Variants in ELAPOR2 observed in about 807,000 individuals in gnomAD.
ELAPOR2 encodes endosome-lysosome associated apoptosis and autophagy regulator family member 2.
A neutral mutation model predicts 120.7 loss-of-function variants in ELAPOR2; 89 were observed. That is an observed-to-expected ratio of 0.74 (90% CI 0.62 to 0.88). ELAPOR2 has a LOEUF of 0.88. Ranked by LOEUF, ELAPOR2 falls within the 40% of genes least tolerant of loss-of-function variation. The pLI is 0.00. For synonymous variants in ELAPOR2, 444 were observed against 444.9 expected (o/e 1.00, Z 0.03); for missense variants, 1,134 against 1,251.6 (o/e 0.91, Z 1.42).
intron 1 of ELAPOR2, among the ~76,000 whole-genome samples, chr7:86,991,405 A>C (rs6955450): frequency 0.38 from 57,319 of 151,700 alleles, 11,627 homozygotes; most frequent in African/African-American, 0.53. Context: ...TCTAGTATAC[A>C]ACATTGTTCT....
chr7:86,897,395 ATTAAG>A, intron 19 of ELAPOR2, 106 bp downstream of exon 19: 1 of 1,319,100 alleles, frequency 7.6e-7, no homozygotes, highest in South Asian at 1.5e-5. Context: ...CCAATGTAAC[ATTAAG>A]TTAAATACAA....
At chr7:86,936,027 A>G (rs181509676) in intron 8 of ELAPOR2, among the ~76,000 whole-genome samples, 6 of 152,152 alleles carry the variant, frequency 3.9e-5, no homozygotes, top group East Asian at 1.9e-4. Context: ...TTTGGAATCT[A>G]TATGCCTCAA....
At chr7:87,020,141 G>A (rs1489778216) in intron 1 of ELAPOR2, among the ~76,000 whole-genome samples, 1 of 152,010 alleles carries the variant, frequency 6.6e-6, no homozygotes, top group African/African-American at 2.4e-5. Context: ...ACACAGCTAT[G>A]GGTTTTAATA....
At chr7:86,948,551 C>T (rs1245108526) in intron 2 of ELAPOR2, among the ~76,000 whole-genome samples, 3 of 152,082 alleles carry the variant, frequency 2.0e-5, no homozygotes, top group Non-Finnish European at 4.4e-5. Flanking sequence ...AACAGGAAAG[C>T]AGTGCAATAG....
chr7:87,033,098 A>G (rs184414030), intron 1 of ELAPOR2, among the ~76,000 whole-genome samples: 1 of 152,218 alleles, frequency 6.6e-6, no homozygotes, highest in African/African-American at 2.4e-5. Flanking sequence ...AGCTGTAAGC[A>G]TAATAGATCA....
At chr7:86,980,591 G>T (rs560220138) in intron 1 of ELAPOR2, among the ~76,000 whole-genome samples, 1 of 152,108 alleles carries the variant, frequency 6.6e-6, no homozygotes, top group South Asian at 2.1e-4. Flanking sequence ...GAATATAAAA[G>T]CTCTCTAGGC....
Position 86,912,235 on chromosome 7 carries a change from A to C in ELAPOR2, c.2006T>G (p.Val669Gly). The C allele has an allele frequency of 6.3e-7, 1 of 1,591,150 alleles. No homozygotes were observed. Among genetic ancestry groups the C allele is most frequent in the East Asian group, 2.3e-5 (1 of 44,330 alleles). ...GTAGAAAAAGCAGTCACTATAGCAA[A>C]CCGAATGGTCCTTTGATTAAAGATA... ...PGSKNNQDHS[V>G]CYSDCFFYHE... is the part of the protein sequence containing the mutation. Residue 669 changes from valine (V) to glycine (G), a missense_variant, in exon 15 of 22, where the codon GTT becomes GGT. Coordinates refer to ENST00000450689, the MANE Select transcript of ELAPOR2 (RefSeq NM_001142749.3).
At chr7:87,005,424 T>A (rs7780140) in intron 1 of ELAPOR2, among the ~76,000 whole-genome samples, 2 of 151,806 alleles carry the variant, frequency 1.3e-5, no homozygotes, top group African/African-American at 4.8e-5. Context: ...GATCCACACA[T>A]GACATATTTC....
intron 2 of ELAPOR2, 88 bp downstream of exon 2, chr7:86,964,816 C>G: frequency 1.4e-6 from 2 of 1,427,598 alleles, no homozygotes; most frequent in Non-Finnish European, 9.5e-7. Context: ...GTAAGGTCTC[C>G]TACATTCATT....
At chr7:87,055,604 T>C (rs775956272) in intron 1 of ELAPOR2, among the ~76,000 whole-genome samples, 1 of 152,116 alleles carries the variant, frequency 6.6e-6, no homozygotes, top group Non-Finnish European at 1.5e-5. Context: ...CTGACCCTTG[T>C]CTGCTTGGCA....
chr7:87,002,893 C>A (rs773620828), intron 1 of ELAPOR2, among the ~76,000 whole-genome samples: 1 of 152,134 alleles, frequency 6.6e-6, no homozygotes, highest in Non-Finnish European at 1.5e-5. Context: ...ATGAACCACA[C>A]TCCTTCAAAA....
Position 86,919,280 on chromosome 7 carries a change from C to T in ELAPOR2, c.1430G>A (p.Ser477Asn). ...ATCATTGTCAGAACCTCCAGCCCCA[C>T]TCTGGATATGATCTCCAGCCACCTC... ...GWEVAGDHIQ[S>N]GAGGSDNDYL... Residue 477 changes from serine to asparagine, a missense_variant, in exon 11 of 22, where the codon AGT (serine) becomes AAT (asparagine). Physicochemically the swap from Ser to Asn is conservative, Grantham distance 46. Around this residue, in one of 3 missense-constraint regions of ELAPOR2, gnomAD observed 831 missense variants for 867.6 expected, o/e 0.96. Coordinates refer to ENST00000450689, the MANE Select transcript of ELAPOR2 (RefSeq NM_001142749.3). 1 of 1,611,382 alleles carries T rather than the reference C, an allele frequency of 6.2e-7. No homozygotes were observed. Among genetic ancestry groups the T allele is most frequent in the Non-Finnish European group, 8.5e-7 (1 of 1,178,392 alleles).
chr7:87,003,111 T>A (rs764020003), intron 1 of ELAPOR2, among the ~76,000 whole-genome samples: 1 of 152,112 alleles, frequency 6.6e-6, no homozygotes, highest in Non-Finnish European at 1.5e-5. Flanking sequence ...AGCAAGCCCT[T>A]CTTTATGGGA....
rs1792182854 is a variant in ELAPOR2 at position 86,973,766 on chromosome 7, A to T, written c.190-8742T>A. 2.0e-5 allele frequency among the ~76,000 whole-genome samples: 3 copies of T among 152,172 alleles called. No homozygotes were observed. The South Asian group carries it at 6.2e-4, about 31-fold the overall frequency. On this transcript the variant is annotated intron_variant, in intron 1 of 21. Transcript: ENST00000450689. ...TGATAAAAAGAAGGTGGGGCATGAC[A>T]TCCAGGTGGCCACAGCTCCTTGGCC...
intron 1 of ELAPOR2, among the ~76,000 whole-genome samples, chr7:87,002,710 G>A (rs1423218695): frequency 6.6e-6 from 1 of 152,080 alleles, no homozygotes; most frequent in Non-Finnish European, 1.5e-5. Context: ...ACTACCTACT[G>A]TATCCTTAAC....
chr7:86,995,391 G>C (rs1793089466), intron 1 of ELAPOR2, among the ~76,000 whole-genome samples: 1 of 152,164 alleles, frequency 6.6e-6, no homozygotes, highest in Non-Finnish European at 1.5e-5. Context: ...GCTGGATTTA[G>C]TTTTCTGTAG....
At chr7:86,898,400 T>C (rs748444300) in intron 18 of ELAPOR2, among the ~76,000 whole-genome samples, 42 of 152,184 alleles carry the variant, frequency 2.8e-4, no homozygotes, top group Admixed American at 2.0e-4. Context: ...GTCTGAGGTG[T>C]TGAAAATCTT....
At chr7:86,997,299 C>T (rs77020301) in intron 1 of ELAPOR2, among the ~76,000 whole-genome samples, 7,954 of 143,988 alleles carry the variant, frequency 0.055, 372 homozygotes, top group African/African-American at 0.13. Flanking sequence ...AAAGCAGATG[C>T]CCATCACAAA....
intron 18 of ELAPOR2, among the ~76,000 whole-genome samples, chr7:86,903,940 G>A (rs546921940): frequency 2.4e-4 from 36 of 152,096 alleles, no homozygotes; most frequent in African/African-American, 8.4e-4. Context: ...TATCCTCTGG[G>A]GTAAGTGTGA....
Sources: allele counts gnomAD v4.1 joint callset (sites outside exome capture counted in the v4.1 genomes callset), GRCh38; gene constraint gnomAD v4.1.1; regional missense constraint gnomAD v4.1.1; transcripts MANE v1.5; gene names NCBI Gene and HGNC (gene_info 2026-07-23, HGNC 2026-07-21).